RALGPS2: variants seen among roughly 807,000 people sequenced by gnomAD.
The protein encoded by RALGPS2 is Ral GEF with PH domain and SH3 binding motif 2.
In RALGPS2, 43 loss-of-function variants were observed where a neutral mutation model predicts 86.8. That is an observed-to-expected ratio of 0.50 (90% confidence interval 0.39 to 0.64). The LOEUF (loss-of-function observed/expected upper bound fraction) is 0.64, where lower values mean the gene tolerates loss of function less well. Among genes scored for constraint, RALGPS2 ranks in the 30% least tolerant of loss-of-function variants. The pLI, the probability that RALGPS2 is intolerant of heterozygous loss-of-function variation, is 0.00. For missense variants in RALGPS2, 536 were observed against 694.6 expected, an observed-to-expected ratio of 0.77 and a Z score of 2.57; for synonymous variants, 243 against 231.3, an observed-to-expected ratio of 1.05 and a Z score of -0.46.
Position 178,877,586 on chromosome 1 carries a change from G to A in RALGPS2, c.696G>A (p.Met232Ile). The A allele has an allele frequency of 6.2e-7, 1 of 1,613,434 alleles. No homozygotes were observed. The highest frequency in any genetic ancestry group is 8.5e-7 in the Non-Finnish European group (1 of 1,179,574). Reference sequence around the variant, plus strand: ...AAAATGAGCAAAGATCAAATTTAATGAATAATATCCTTCGAATAATTTCTG... The same window carrying A: ...AAAATGAGCAAAGATCAAATTTAATAAATAATATCCTTCGAATAATTTCTG... ...ILENEQRSNL[M>I]NNILRIISDL... Residue 232 changes from methionine to isoleucine, a missense_variant, in exon 9 of 20, where the codon ATG (methionine) becomes ATA (isoleucine). Coordinates refer to ENST00000367635, the MANE Select transcript of RALGPS2 (RefSeq NM_152663.5).
At chr1:178,810,627 T>C (rs1297631786) in intron 5 of RALGPS2, among the ~76,000 whole-genome samples, 1 of 151,942 alleles carries the variant, frequency 6.6e-6, no homozygotes, top group Non-Finnish European at 1.5e-5. Flanking sequence ...GGTGACTTTG[T>C]AAAATATGTA....
intron 5 of RALGPS2, 136 bp downstream of exon 5, chr1:178,808,264 A>G: frequency 1.5e-6 from 1 of 656,192 alleles, no homozygotes; most frequent in Non-Finnish European, 2.7e-6. Context: ...GTCTCTGTGC[A>G]TGATCTCTTT....
rs1005069979 is a variant in RALGPS2, at chr1:178,833,313, A to G, written c.481-111A>G. The G allele has an allele frequency of 5.8e-6, 6 of 1,029,870 alleles. No individual in the cohort carries two copies. The East Asian group carries it at 1.7e-4, about 29-fold the overall frequency. 63.8% of individuals were successfully genotyped at this position (1,029,870 alleles called of 1,614,324 possible). A position where few individuals can be genotyped will look rare whatever the true frequency, so the allele number is the denominator to read the frequency against. On this transcript the variant is annotated intron_variant, in intron 7 of 19. Coordinates refer to ENST00000367635, the MANE Select transcript of RALGPS2 (RefSeq NM_152663.5). ...CTACCAAGATATAATTAAAGAAGAT[A>G]TAACTTTGAAATTAAAATCCATATT...
At chr1:178,838,176 A>C (rs7533510) in intron 8 of RALGPS2, among the ~76,000 whole-genome samples, 2 of 152,070 alleles carry the variant, frequency 1.3e-5, no homozygotes, top group Admixed American at 6.5e-5. Flanking sequence ...GAAGAGAGTA[A>C]TGGTTCTCGC....
chr1:178,816,395 T>C (rs1402069780), intron 6 of RALGPS2, among the ~76,000 whole-genome samples: 1 of 152,210 alleles, frequency 6.6e-6, no homozygotes, highest in Non-Finnish European at 1.5e-5. Context: ...TGTGATACTA[T>C]CCTTTCAAAT....
intron 16 of RALGPS2, among the ~76,000 whole-genome samples, chr1:178,895,942 T>C (rs1458202393): frequency 6.6e-6 from 1 of 151,844 alleles, no homozygotes; most frequent in Admixed American, 6.6e-5. Context: ...GTATTTGAAA[T>C]ATGGAACTGG....
At chr1:178,821,854 A>AT (rs1211501383) in intron 7 of RALGPS2, 150 bp downstream of exon 7, 35 of 686,036 alleles carry the variant, frequency 5.1e-5, no homozygotes, top group Non-Finnish European at 8.2e-5. Context: ...TGATACCTAC[A>AT]TTTTTTCTCC....
chr1:178,862,818 T>G (rs759467477), intron 8 of RALGPS2, among the ~76,000 whole-genome samples: 5 of 152,184 alleles, frequency 3.3e-5, no homozygotes, highest in Non-Finnish European at 7.3e-5. Flanking sequence ...TTAGCCAGAC[T>G]AAGCAAATTG....
intron 19 of RALGPS2, among the ~76,000 whole-genome samples, chr1:178,912,184 C>T (rs1211364487): frequency 1.3e-5 from 2 of 152,164 alleles, no homozygotes; most frequent in African/African-American, 4.8e-5. Flanking sequence ...TGCCTGTTTA[C>T]ATTCAAGGTT....
intron 1 of RALGPS2, among the ~76,000 whole-genome samples, chr1:178,771,189 A>G (rs1015762723): frequency 2.0e-5 from 3 of 152,226 alleles, no homozygotes; most frequent in Non-Finnish European, 2.9e-5. Context: ...GGAAATTGAT[A>G]TGGTAATCTA....
Position 178,916,494 on chromosome 1 carries a change from C to A in RALGPS2, c.*135C>A. ...TGTCTCAGTCGTTGGAGTTCTCAAC[C>A]AAAAAAGCACTAATTTCAGGGAATG... On this transcript the variant is annotated 3_prime_UTR_variant, in exon 20 of 20. Coordinates refer to ENST00000367635, the MANE Select transcript of RALGPS2 (RefSeq NM_152663.5). The A allele has an allele frequency of 2.8e-6, 2 of 724,630 alleles. No individual in the cohort carries two copies. The highest frequency in any genetic ancestry group is 2.2e-6 in the Non-Finnish European group (1 of 459,734). The allele number at this position is 724,630 out of a possible 1,614,324, so 44.9% of individuals were successfully genotyped here.
In RALGPS2 at chr1:178,744,836, A is replaced by AAAG. The variant is rs560088879; in HGVS notation, c.-84+19418_-84+19419insAGA. 2.2e-3 allele frequency among the ~76,000 whole-genome samples: 326 copies of AAAG among 151,486 alleles called. 3 individuals are homozygous for AAAG. Among genetic ancestry groups the AAAG allele is most frequent in the African/African-American group, 7.1e-3 (294 of 41,238 alleles). ...CCATCTCAAAAAAAAAAAAAAAAAA[A>AAAG]AGAAAGGAAAAGGCATCCAGACTGG... On this transcript the variant is annotated intron_variant, in intron 1 of 19. Transcript: ENST00000367635.
intron 8 of RALGPS2, chr1:178,865,684 TA>T: frequency 6.2e-7 from 1 of 1,614,106 alleles, no homozygotes; most frequent in Non-Finnish European, 8.5e-7. Flanking sequence ...TTCTCTGGTT[TA>T]TTTTTTTAAT....
At position 178,731,837 on chromosome 1, in the gene RALGPS2, G is replaced by A. The variant is rs566421757; in HGVS notation, c.-84+6418G>A. On this transcript the variant is annotated intron_variant, in intron 1 of 19. Transcript: ENST00000367635. ...AGGTCAGCAGACTTTTTCTTTGAAG[G>A]TTAGGTAGTATTTTAGGCATTTTGG... Among the ~76,000 whole-genome samples the A allele has an allele frequency of 1.6e-3, 236 of 152,170 alleles. 1 individual carries two copies. The highest frequency in any genetic ancestry group is 4.1e-3 in the Admixed American group (63 of 15,272).
intron 1 of RALGPS2, chr1:178,746,678 G>T: frequency 1.3e-6 from 1 of 772,592 alleles, no homozygotes; most frequent in Non-Finnish European, 2.4e-6. Flanking sequence ...CTCAAGTCAT[G>T]AATATTAGGT....
chr1:178,909,629 CTTTTT>C (rs1660531164), intron 19 of RALGPS2, among the ~76,000 whole-genome samples: 1 of 134,842 alleles, frequency 7.4e-6, no homozygotes, highest in South Asian at 2.4e-4. Flanking sequence ...TTGTAATTCT[CTTTTT>C]CTTTTTTAAT....
intron 17 of RALGPS2, among the ~76,000 whole-genome samples, chr1:178,898,744 CTAT>C (rs984491416): frequency 6.6e-6 from 1 of 151,956 alleles, no homozygotes; most frequent in African/African-American, 2.4e-5. Flanking sequence ...TTTTTGCTCA[CTAT>C]TATTATATAA....
Position 178,856,202 on chromosome 1 carries a change from G to GATATATATATATATATATATATATATAT in RALGPS2, c.608-21291_608-21264dup, listed in dbSNP as rs55797277. ...ACCTGTACTTTTCCAGAGAGAGAGAGATATATATATATATATATATATATA... is the reference window on the plus strand; with the variant it reads ...ACCTGTACTTTTCCAGAGAGAGAGAGATATATATATATATATATATATATATATATATATATATATATATATATATATA... On this transcript the variant is annotated intron_variant, in intron 8 of 19. Coordinates refer to ENST00000367635, the MANE Select transcript of RALGPS2 (RefSeq NM_152663.5). 7.2e-5 allele frequency among the ~76,000 whole-genome samples: 6 copies of GATATATATATATATATATATATATATAT among 83,890 alleles called. 1 individual carries two copies. The highest frequency in any genetic ancestry group is 3.9e-4 in the African/African-American group (6 of 15,580). 55.0% of individuals were successfully genotyped at this position (83,890 alleles called of 152,430 possible). A position where few individuals can be genotyped will look rare whatever the true frequency, so the allele number is the denominator to read the frequency against.
At position 178,916,405 on chromosome 1, in the gene RALGPS2, A is replaced by C; in HGVS notation, c.*46A>C. The C allele has an allele frequency of 6.5e-7, 1 of 1,542,716 alleles. No individual in the cohort carries two copies. The highest frequency in any genetic ancestry group is 8.9e-7 in the Non-Finnish European group (1 of 1,122,058). On this transcript the variant is annotated 3_prime_UTR_variant, in exon 20 of 20. Coordinates refer to ENST00000367635, the MANE Select transcript of RALGPS2 (RefSeq NM_152663.5). ...GGTGAACTGTTGCTTCTACGTGAGC[A>C]TGAGGACCTGATAAAAGAGCGCCAG...
Sources: allele counts gnomAD v4.1 joint callset (sites outside exome capture counted in the v4.1 genomes callset), GRCh38; gene constraint gnomAD v4.1.1; transcripts MANE v1.5; gene names NCBI Gene and HGNC (gene_info 2026-07-23, HGNC 2026-07-21).